Variants in MOB1A observed in about 807,000 individuals in gnomAD.
The protein encoded by MOB1A is MOB1 Mps One Binder homolog A.
In MOB1A, 10 loss-of-function variants were observed where a neutral mutation model predicts 25.1. The observed-to-expected ratio is 0.40, with a 90% CI of 0.25 to 0.68. The LOEUF (loss-of-function observed/expected upper bound fraction) is 0.68, where lower values mean the gene tolerates loss of function less well. MOB1A is among the 30% of genes least tolerant of loss of function. MOB1A has a pLI of 0.40. For missense variants in MOB1A, 177 were observed against 256.3 expected, an observed-to-expected ratio of 0.69 and a Z score of 2.11; for synonymous variants, 81 against 79.5, an observed-to-expected ratio of 1.02 and a Z score of -0.10.
Position 74,153,999 on chromosome 2 carries a change from A to C in MOB1A, c.*2569T>G, listed in dbSNP as rs1292904310. The C allele has an allele frequency of 6.6e-6, 1 of 152,150 alleles. No homozygotes were observed. The allele number at this position is 152,150 out of a possible 1,614,324, so 9.4% of individuals were successfully genotyped here. A position where few individuals can be genotyped will look rare whatever the true frequency, so the allele number is the denominator to read the frequency against. On this transcript the variant is annotated 3_prime_UTR_variant, in exon 6 of 6. Transcript: ENST00000396049. ...ACACGGTGAAACCCCATCTCTACTAAAAATACAAAAAATTAGCCAGGCATG... is the reference window on the plus strand; with the variant it reads ...ACACGGTGAAACCCCATCTCTACTACAAATACAAAAAATTAGCCAGGCATG...
intron 2 of MOB1A, among the ~76,000 whole-genome samples, chr2:74,169,774 G>A (rs1693233233): frequency 6.6e-6 from 1 of 151,834 alleles, no homozygotes. Flanking sequence ...GATTACAGGT[G>A]TGTGCCACCA....
chr2:74,159,833 C>T (rs989309166), intron 4 of MOB1A, among the ~76,000 whole-genome samples: 1 of 121,088 alleles, frequency 8.3e-6, no homozygotes, highest in Non-Finnish European at 1.7e-5. Flanking sequence ...CCCCCCACCC[C>T]GGAGACTGAG....
intron 1 of MOB1A, 177 bp from the exon 2 acceptor site, chr2:74,172,929 A>G: frequency 1.6e-6 from 1 of 641,172 alleles, no homozygotes; most frequent in Non-Finnish European, 2.7e-6. Context: ...TGAGGTCAGG[A>G]GTTCAAGACC....
In MOB1A at chr2:74,176,882, A is replaced by G. The variant is rs1693488931; in HGVS notation, c.14+1779T>C. Reference sequence around the variant, plus strand: ...GCACTTTGAAGTTTGGCAGTTCCTCAAAAGGTTAAACATAGTTACCACTTA... The same window carrying G: ...GCACTTTGAAGTTTGGCAGTTCCTCGAAAGGTTAAACATAGTTACCACTTA... On this transcript the variant is annotated intron_variant, in intron 1 of 5. Coordinates refer to ENST00000396049, the MANE Select transcript of MOB1A (RefSeq NM_018221.5). Among the ~76,000 whole-genome samples the G allele has an allele frequency of 1.3e-5, 2 of 152,150 alleles. 1 individual carries two copies. The highest frequency in any genetic ancestry group is 4.1e-4 in the South Asian group (2 of 4,820).
chr2:74,163,792 G>A (rs1289998456), intron 4 of MOB1A, among the ~76,000 whole-genome samples: 1 of 152,156 alleles, frequency 6.6e-6, no homozygotes, highest in East Asian at 1.9e-4. Context: ...TTTTACAAGA[G>A]AAAATAAAGC....
intron 2 of MOB1A, among the ~76,000 whole-genome samples, chr2:74,171,612 G>A (rs56121390): frequency 0.17 from 25,809 of 152,030 alleles, 2,629 homozygotes; most frequent in East Asian, 0.38. Flanking sequence ...TTTCCATTAA[G>A]AAGTTTTAGG....
intron 1 of MOB1A, among the ~76,000 whole-genome samples, chr2:74,175,790 T>C (rs1191196654): frequency 6.6e-6 from 1 of 152,020 alleles, no homozygotes; most frequent in Non-Finnish European, 1.5e-5. Context: ...TTAAACATAA[T>C]ACACAACCAA....
At position 74,159,103 on chromosome 2, in the gene MOB1A, A is replaced by T. The variant is rs1692886577; in HGVS notation, c.561T>A (p.Ile187=). 2 of 1,613,708 alleles carry T rather than the reference A, an allele frequency of 1.2e-6. No individual in the cohort carries two copies. The highest frequency in any genetic ancestry group is 1.7e-5 in the Admixed American group (1 of 59,886). The stretch of plus-strand genomic sequence containing the variant: ...TGGATCAACTTACCTGAACAAAGAA[A>T]ATAAAGTGCTTAAAGGAGGTGTTGA... ...AHLNTSFKHF[I]FFVQEFNLID... is the part of the protein sequence containing the mutation. Residue 187 remains isoleucine, a synonymous_variant, in exon 5 of 6, where the codon ATT becomes ATA. Transcript: ENST00000396049.
At chr2:74,173,383 T>TC (rs1162209175) in intron 1 of MOB1A, among the ~76,000 whole-genome samples, 2 of 143,804 alleles carry the variant, frequency 1.4e-5, no homozygotes, top group East Asian at 4.1e-4. Context: ...TCGGTTTTTT[T>TC]TTTTTTTTTT....
intron 5 of MOB1A, among the ~76,000 whole-genome samples, chr2:74,158,736 G>A (rs1438510092): frequency 1.4e-5 from 2 of 144,932 alleles, no homozygotes; most frequent in Admixed American, 7.2e-5. Context: ...CCAAGATCAC[G>A]CCATTGCACT....
rs764167328 is a variant in MOB1A at position 74,165,358 on chromosome 2, A to G, written c.276-7T>C. On this transcript the variant is annotated splice_polypyrimidine_tract_variant and splice_region_variant and intron_variant, in intron 3 of 5. Transcript: ENST00000396049. ...TGCCCAGTGATATTCATATCTGAAG[A>G]GAAAAATGTTTTACTGATAAATTTT... 3 of 1,481,752 alleles carry G rather than the reference A, an allele frequency of 2.0e-6. No individual in the cohort carries two copies. In the South Asian group the frequency reaches 4.4e-5, roughly 22 times the overall value. The allele number at this position is 1,481,752 out of a possible 1,614,324, so 91.8% of individuals were successfully genotyped here.
At chr2:74,172,544 A>G (rs1453504459) in intron 2 of MOB1A, 42 bp downstream of exon 2, 2 of 1,576,890 alleles carry the variant, frequency 1.3e-6, no homozygotes, top group Non-Finnish European at 8.6e-7. Flanking sequence ...GATTTTAGCA[A>G]AACCTTTCTA....
At chr2:74,166,971 G>A in intron 3 of MOB1A, 43 bp downstream of exon 3, 1 of 1,370,990 alleles carries the variant, frequency 7.3e-7, no homozygotes. Context: ...TGGTGATAAA[G>A]TAAAACTAAT....
chr2:74,177,956 T>A (rs542097195), intron 1 of MOB1A: 95 of 152,376 alleles, frequency 6.2e-4, no homozygotes, highest in African/African-American at 2.2e-3. Flanking sequence ...GGTATGCCTA[T>A]CAAGTTAATT....
At chr2:74,169,792 C>A (rs1425205340) in intron 2 of MOB1A, among the ~76,000 whole-genome samples, 2 of 151,382 alleles carry the variant, frequency 1.3e-5, no homozygotes, top group South Asian at 4.2e-4. Flanking sequence ...CCACACCCAG[C>A]AAATTTTTGT....
At chr2:74,161,210 A>G (rs1450853834) in intron 4 of MOB1A, among the ~76,000 whole-genome samples, 2 of 152,216 alleles carry the variant, frequency 1.3e-5, no homozygotes, top group Non-Finnish European at 2.9e-5. Context: ...CCAGTTCTCA[A>G]TAACCTGAAA....
chr2:74,172,471 C>A (rs1693320208), intron 2 of MOB1A, 115 bp downstream of exon 2: 1 of 1,005,250 alleles, frequency 9.9e-7, no homozygotes, highest in African/African-American at 1.6e-5. Flanking sequence ...CTTAATGTTT[C>A]TTTACAGATA....
chr2:74,161,961 A>G (rs925400826), intron 4 of MOB1A, among the ~76,000 whole-genome samples: 1 of 152,058 alleles, frequency 6.6e-6, no homozygotes, highest in African/African-American at 2.4e-5. Flanking sequence ...TGTCTCAAAA[A>G]AAAAAGTAGA....
rs188480191 is a variant in MOB1A at position 74,153,511 on chromosome 2, T to C, written c.*3057A>G. ...ATATAAGCTAGGGTTCTACAAGCCT[T>C]AGATGAAAGGAAAAACTTTGCTGGA... On this transcript the variant is annotated 3_prime_UTR_variant, in exon 6 of 6. Coordinates refer to ENST00000396049, the MANE Select transcript of MOB1A (RefSeq NM_018221.5). 7 of 152,354 alleles carry C rather than the reference T, an allele frequency of 4.6e-5. No individual in the cohort carries two copies. The East Asian group carries it at 1.3e-3, about 29-fold the overall frequency. The allele number at this position is 152,354 out of a possible 1,614,324, so 9.4% of individuals were successfully genotyped here.
Sources: gnomAD v4.1 joint callset for allele counts (sites outside exome capture counted in the v4.1 genomes callset) on GRCh38, gnomAD v4.1.1 for gene constraint, MANE v1.5 for transcripts, NCBI Gene and HGNC (gene_info 2026-07-23, HGNC 2026-07-21) for gene names.